The following ADGRB3 variants were observed in gnomAD, a reference collection of about 807,000 sequenced individuals.
ADGRB3 encodes brain-specific angiogenesis inhibitor 3.
ADGRB3 carries 37 observed loss-of-function variants against 193.4 expected under a neutral mutation model. That is an observed-to-expected ratio of 0.19 (90% confidence interval 0.15 to 0.25). ADGRB3 has a LOEUF of 0.25. ADGRB3 is among the 10% of genes least tolerant of loss of function. The probability of loss-of-function intolerance (pLI) is 1.00; values close to 1 mark genes in which losing one functional copy is unlikely to be tolerated. For synonymous variants in ADGRB3, 690 were observed against 644.2 expected (o/e 1.07, Z -1.08); for missense variants, 1,637 against 1,852.9 (o/e 0.88, Z 2.14).
intron 3 of ADGRB3, among the ~76,000 whole-genome samples, chr6:68,786,047 A>G (rs920767676): frequency 1.3e-5 from 2 of 151,490 alleles, no homozygotes; most frequent in Non-Finnish European, 2.9e-5. Flanking sequence ...TAGATTCTGG[A>G]TATTAGCCCG....
chr6:68,908,700 C>T (rs1298827925), intron 3 of ADGRB3, among the ~76,000 whole-genome samples: 1 of 152,122 alleles, frequency 6.6e-6, no homozygotes, highest in Non-Finnish European at 1.5e-5. Context: ...GCTTTCAAAA[C>T]AAAGCCCTTG....
At chr6:69,268,348 G>A (rs1767093582) in intron 20 of ADGRB3, among the ~76,000 whole-genome samples, 1 of 152,140 alleles carries the variant, frequency 6.6e-6, no homozygotes, top group Non-Finnish European at 1.5e-5. Flanking sequence ...GCTGAGCTAA[G>A]TCCCCTCAAA....
chr6:69,296,243 C>A (rs1767814019), intron 20 of ADGRB3, among the ~76,000 whole-genome samples: 2 of 152,166 alleles, frequency 1.3e-5, no homozygotes, highest in South Asian at 4.2e-4. Context: ...GACAGAATTG[C>A]AGTATGAATT....
At position 68,674,445 on chromosome 6, in the gene ADGRB3, CAG is replaced by C. The variant is rs533054521; in HGVS notation, c.757+35014_757+35015del. Among the ~76,000 whole-genome samples the C allele has an allele frequency of 2.0e-3, 297 of 152,182 alleles. 3 individuals carry two copies. The highest frequency in any genetic ancestry group is 6.9e-3 in the African/African-American group (286 of 41,530). Reference sequence around the variant, plus strand: ...GCATAAATAAATGTACTAGATGTCACAGGGGAAATTCAAATGAAAATCTTATT... The same window carrying C: ...GCATAAATAAATGTACTAGATGTCACGGGAAATTCAAATGAAAATCTTATT... On this transcript the variant is annotated intron_variant, in intron 3 of 31. Coordinates refer to ENST00000370598, the MANE Select transcript of ADGRB3 (RefSeq NM_001704.3).
intron 3 of ADGRB3, among the ~76,000 whole-genome samples, chr6:68,795,226 T>C (rs1180996750): frequency 6.6e-6 from 1 of 151,922 alleles, no homozygotes; most frequent in Non-Finnish European, 1.5e-5. Flanking sequence ...ACTTTAATAA[T>C]CACAAATCTT....
rs1766383740 is a variant in ADGRB3 at position 69,241,470 on chromosome 6, TGCAGCTAG to T, written c.2814+2245_2814+2252del. Among the ~76,000 whole-genome samples, 3 of 151,934 alleles carry T rather than the reference TGCAGCTAG, an allele frequency of 2.0e-5. No homozygotes were observed. In the South Asian group the frequency reaches 6.2e-4, roughly 31 times the overall value. ...ACATTTCAAATGTCCAATGGCTACA[TGCAGCTAG>T]TGTCTACGACGTTGTGTAGGTCTAA... On this transcript the variant is annotated intron_variant, in intron 20 of 31. Coordinates refer to ENST00000370598, the MANE Select transcript of ADGRB3 (RefSeq NM_001704.3).
At chr6:69,205,438 A>G (rs1381828474) in intron 17 of ADGRB3, among the ~76,000 whole-genome samples, 1 of 152,110 alleles carries the variant, frequency 6.6e-6, no homozygotes, top group East Asian at 1.9e-4. Context: ...TGGTTAAAAC[A>G]AACAAACAAC....
At chr6:68,981,088 A>G (rs1768897157) in intron 10 of ADGRB3, among the ~76,000 whole-genome samples, 1 of 151,668 alleles carries the variant, frequency 6.6e-6, no homozygotes, top group South Asian at 2.1e-4. Flanking sequence ...TACTCAAGAC[A>G]TAGCATTTTA....
At chr6:69,221,888 T>C (rs1765906212) in intron 17 of ADGRB3, among the ~76,000 whole-genome samples, 2 of 152,162 alleles carry the variant, frequency 1.3e-5, no homozygotes, top group South Asian at 4.1e-4. Flanking sequence ...TTTCTGTTCA[T>C]ATTTTACTGG....
At chr6:68,666,402 C>G (rs1170595338) in intron 3 of ADGRB3, among the ~76,000 whole-genome samples, 1 of 151,808 alleles carries the variant, frequency 6.6e-6, no homozygotes, top group Non-Finnish European at 1.5e-5. Context: ...TGACTGTTCC[C>G]ATTTAGAAGA....
intron 30 of ADGRB3, among the ~76,000 whole-genome samples, chr6:69,379,257 T>C (rs541035673): frequency 6.6e-6 from 1 of 152,098 alleles, no homozygotes; most frequent in Non-Finnish European, 1.5e-5. Flanking sequence ...TATTACACAT[T>C]TTGAAAACTC....
intron 3 of ADGRB3, among the ~76,000 whole-genome samples, chr6:68,826,857 G>A (rs1272178196): frequency 2.0e-5 from 3 of 152,128 alleles, no homozygotes; most frequent in African/African-American, 7.2e-5. Flanking sequence ...ACAACTGCAA[G>A]GATAGATTTA....
At chr6:68,735,491 T>C (rs1162996721) in intron 3 of ADGRB3, among the ~76,000 whole-genome samples, 1 of 152,072 alleles carries the variant, frequency 6.6e-6, no homozygotes, top group African/African-American at 2.4e-5. Context: ...ATTAATTTAT[T>C]ATGCAAGTAT....
At chr6:69,134,984 T>C (rs1774111876) in intron 17 of ADGRB3, among the ~76,000 whole-genome samples, 1 of 152,040 alleles carries the variant, frequency 6.6e-6, no homozygotes, top group Non-Finnish European at 1.5e-5. Flanking sequence ...AAACTCTGTT[T>C]TAGTGTTTTT....
At chr6:69,019,034 G>T (rs762025081) in intron 13 of ADGRB3, among the ~76,000 whole-genome samples, 1 of 151,998 alleles carries the variant, frequency 6.6e-6, no homozygotes, top group African/African-American at 2.4e-5. Flanking sequence ...TTCTGAATAT[G>T]TTCCAGTACA....
At chr6:69,156,440 C>T (rs575350890) in intron 17 of ADGRB3, among the ~76,000 whole-genome samples, 3 of 152,204 alleles carry the variant, frequency 2.0e-5, no homozygotes, top group Non-Finnish European at 2.9e-5. Context: ...CATAGCAAGA[C>T]GATGGCCCTC....
chr6:68,854,278 C>A (rs1764892947), intron 3 of ADGRB3, among the ~76,000 whole-genome samples: 1 of 152,032 alleles, frequency 6.6e-6, no homozygotes, highest in Non-Finnish European at 1.5e-5. Flanking sequence ...AAGAGCTTGG[C>A]TTTACTGTTA....
chr6:69,315,961 T>C (rs1768301316), intron 20 of ADGRB3, among the ~76,000 whole-genome samples: 1 of 151,442 alleles, frequency 6.6e-6, no homozygotes, highest in Admixed American at 6.6e-5. Flanking sequence ...TATACTGAAG[T>C]GCTTCGCTTC....
At chr6:68,984,037 T>C (rs1340590059) in intron 10 of ADGRB3, among the ~76,000 whole-genome samples, 1 of 152,120 alleles carries the variant, frequency 6.6e-6, no homozygotes, top group African/African-American at 2.4e-5. Flanking sequence ...AAAGATCTAC[T>C]GGCCAGAGGT....
Sources: gnomAD v4.1 joint callset for allele counts (sites outside exome capture counted in the v4.1 genomes callset) on GRCh38, gnomAD v4.1.1 for gene constraint, MANE v1.5 for transcripts, NCBI Gene and HGNC (gene_info 2026-07-23, HGNC 2026-07-21) for gene names.